Variants in INPP4B observed in about 807,000 individuals in gnomAD.
The protein encoded by INPP4B is inositol polyphosphate-4-phosphatase type II B.
INPP4B carries 55 observed loss-of-function variants against 122.5 expected under a neutral mutation model. That is an observed-to-expected ratio of 0.45 (90% CI 0.36 to 0.56). The LOEUF (loss-of-function observed/expected upper bound fraction) is 0.56, where lower values mean the gene tolerates loss of function less well. Ranked by LOEUF, INPP4B falls within the 20% of genes least tolerant of loss-of-function variation. The probability of loss-of-function intolerance (pLI) is 0.00; values close to 1 mark genes in which losing one functional copy is unlikely to be tolerated. For missense variants in INPP4B, 1,000 were observed against 1,097.7 expected, an observed-to-expected ratio of 0.91 and a Z score of 1.26; for synonymous variants, 403 against 388.7, an observed-to-expected ratio of 1.04 and a Z score of -0.43.
intron 1 of INPP4B, among the ~76,000 whole-genome samples, chr4:142,780,925 T>A (rs1488018108): frequency 1.3e-5 from 2 of 152,206 alleles, no homozygotes; most frequent in Non-Finnish European, 2.9e-5. Context: ...CGGTTGTGAA[T>A]ATAAAATTAA....
chr4:142,487,862 G>A (rs1821394376), intron 2 of INPP4B, among the ~76,000 whole-genome samples: 1 of 152,044 alleles, frequency 6.6e-6, no homozygotes. Context: ...TATATTCTGT[G>A]AATAAAGACA....
chr4:142,254,140 G>T (rs1734240998), intron 11 of INPP4B, among the ~76,000 whole-genome samples: 1 of 152,014 alleles, frequency 6.6e-6, no homozygotes. Flanking sequence ...TGCAGCTGAG[G>T]GTCCTGTCTG....
chr4:142,429,218 C>A lies in INPP4B; in HGVS notation c.92-1G>T. On this transcript the variant is annotated splice_acceptor_variant, in intron 4 of 25. Coordinates refer to ENST00000262992, the MANE Select transcript of INPP4B (RefSeq NM_001101669.3). LOFTEE classifies it high-confidence loss of function. ...GGTTCATTTGGAGTCTTCTGGATACCTATAAATAATAGGAGCAAATTCAGA... is the reference window on the plus strand; with the variant it reads ...GGTTCATTTGGAGTCTTCTGGATACATATAAATAATAGGAGCAAATTCAGA... 6.5e-7 allele frequency: 1 copy of A among 1,535,668 alleles called. No homozygotes were observed. The highest frequency in any genetic ancestry group is 8.9e-7 in the Non-Finnish European group (1 of 1,118,664).
At chr4:142,566,098 T>C (rs1290463075) in intron 2 of INPP4B, 1 of 152,124 alleles carries the variant, frequency 6.6e-6, no homozygotes, top group East Asian at 1.9e-4. Flanking sequence ...TTGGCCTTCA[T>C]TCAGTTCACA....
At chr4:142,588,522 A>G (rs1272546734) in intron 2 of INPP4B, among the ~76,000 whole-genome samples, 1 of 151,226 alleles carries the variant, frequency 6.6e-6, no homozygotes, top group East Asian at 1.9e-4. Flanking sequence ...TTAGCAATGA[A>G]CAACTTGAAT....
intron 3 of INPP4B, among the ~76,000 whole-genome samples, chr4:142,449,212 TCTC>T (rs1167483721): frequency 2.0e-5 from 3 of 151,982 alleles, no homozygotes; most frequent in South Asian, 2.1e-4. Flanking sequence ...TTAGTGATGT[TCTC>T]CTCTTTACCG....
chr4:142,643,106 G>T (rs192645712), intron 2 of INPP4B, among the ~76,000 whole-genome samples: 2 of 152,102 alleles, frequency 1.3e-5, no homozygotes, highest in African/African-American at 4.8e-5. Context: ...TGTGATTTTT[G>T]CACGTTGATT....
chr4:142,559,559 A>C (rs769038104), intron 2 of INPP4B, among the ~76,000 whole-genome samples: 1 of 152,154 alleles, frequency 6.6e-6, no homozygotes, highest in Non-Finnish European at 1.5e-5. Flanking sequence ...TTATTATTTC[A>C]ACATGACAGC....
At chr4:142,116,582 A>C (rs561921578) in intron 21 of INPP4B, among the ~76,000 whole-genome samples, 1 of 152,330 alleles carries the variant, frequency 6.6e-6, no homozygotes, top group African/African-American at 2.4e-5. Context: ...TAACGAAATG[A>C]AAGCAGAAAT....
intron 15 of INPP4B, among the ~76,000 whole-genome samples, chr4:142,175,199 A>G (rs945590036): frequency 2.0e-4 from 30 of 152,254 alleles, no homozygotes; most frequent in African/African-American, 7.0e-4. Context: ...TATGTCTACT[A>G]CATTTTTATC....
intron 1 of INPP4B, among the ~76,000 whole-genome samples, chr4:142,729,326 G>T (rs1765759639): frequency 1.3e-5 from 2 of 152,108 alleles, no homozygotes; most frequent in South Asian, 4.1e-4. Context: ...TCTCAACTTA[G>T]AAATCAGAAC....
chr4:142,383,289 A>G (rs1180401665), intron 7 of INPP4B, among the ~76,000 whole-genome samples: 1 of 152,190 alleles, frequency 6.6e-6, no homozygotes, highest in Admixed American at 6.6e-5. Flanking sequence ...CCTAGTCCTC[A>G]TAAAATATAC....
chr4:142,607,300 C>A (rs942504341), intron 2 of INPP4B, among the ~76,000 whole-genome samples: 15 of 152,026 alleles, frequency 9.9e-5, no homozygotes, highest in African/African-American at 3.4e-4. Context: ...TAAAAGTAGT[C>A]AAATATATGC....
chr4:142,620,130 C>T (rs943845543), intron 2 of INPP4B, among the ~76,000 whole-genome samples: 28 of 151,896 alleles, frequency 1.8e-4, no homozygotes, highest in Non-Finnish European at 1.3e-4. Context: ...AACTACCATT[C>T]GGCCCAACAA....
intron 1 of INPP4B, among the ~76,000 whole-genome samples, chr4:142,840,141 C>T (rs957628179): frequency 2.6e-5 from 4 of 152,122 alleles, no homozygotes; most frequent in African/African-American, 9.7e-5. Flanking sequence ...AATTATAGTA[C>T]TATATGGCTG....
intron 12 of INPP4B, among the ~76,000 whole-genome samples, chr4:142,218,790 A>G (rs1409920532): frequency 6.6e-6 from 1 of 152,220 alleles, no homozygotes; most frequent in Non-Finnish European, 1.5e-5. Flanking sequence ...TAGACCTTAA[A>G]TCAAACTTAA....
At chr4:142,296,383 T>C (rs188323043) in intron 9 of INPP4B, among the ~76,000 whole-genome samples, 97 of 152,296 alleles carry the variant, frequency 6.4e-4, no homozygotes, top group Middle Eastern at 6.8e-3. Context: ...CTGATGATAA[T>C]AATTTAAATA....
chr4:142,177,954 A>G (rs1417285627), intron 15 of INPP4B, among the ~76,000 whole-genome samples: 1 of 152,084 alleles, frequency 6.6e-6, no homozygotes, highest in Non-Finnish European at 1.5e-5. Flanking sequence ...TCTTTTGTCT[A>G]TATGTCCCTC....
At chr4:142,429,670 G>T (rs75166336) in intron 4 of INPP4B, among the ~76,000 whole-genome samples, 1 of 152,110 alleles carries the variant, frequency 6.6e-6, no homozygotes, top group African/African-American at 2.4e-5. Flanking sequence ...GGTTATGATG[G>T]ACATTGTAGT....
Sources: allele counts gnomAD v4.1 joint callset (sites outside exome capture counted in the v4.1 genomes callset), GRCh38; gene constraint gnomAD v4.1.1; transcripts MANE v1.5; gene names NCBI Gene and HGNC (gene_info 2026-07-23, HGNC 2026-07-21).